The following SDK1 variants were observed in gnomAD, a reference collection of about 807,000 sequenced individuals.
The protein encoded by SDK1 is protein sidekick-1.
A neutral mutation model predicts 245.5 loss-of-function variants in SDK1; 157 were observed. That is an observed-to-expected ratio of 0.64 (90% CI 0.56 to 0.73). SDK1 has a LOEUF of 0.73. SDK1 is among the 30% of genes least tolerant of loss of function. The pLI is 0.00. For missense variants in SDK1, 3,583 were observed against 3,002.3 expected (o/e 1.19, Z -4.52); for synonymous variants, 1,647 against 1,278.5 (o/e 1.29, Z -6.15).
intron 1 of SDK1, among the ~76,000 whole-genome samples, chr7:3,411,200 G>A (rs1779189857): frequency 6.6e-6 from 1 of 152,154 alleles, no homozygotes. Context: ...GGGAAGATAA[G>A]AGGAAGAATC....
intron 23 of SDK1, among the ~76,000 whole-genome samples, chr7:4,112,770 T>TTC (rs1562827856): frequency 6.6e-6 from 1 of 151,800 alleles, no homozygotes; most frequent in African/African-American, 2.4e-5. Context: ...TTTTTTTTTT[T>TTC]CTGAGGCAGA....
chr7:3,607,860 T>G (rs545440745), intron 1 of SDK1, among the ~76,000 whole-genome samples: 10 of 152,346 alleles, frequency 6.6e-5, no homozygotes, highest in African/African-American at 2.2e-4. Flanking sequence ...TCTGCACACA[T>G]TGGGTAATTT....
intron 1 of SDK1, among the ~76,000 whole-genome samples, chr7:3,312,357 A>T (rs919016675): frequency 2.6e-5 from 4 of 152,324 alleles, no homozygotes; most frequent in South Asian, 2.1e-4. Context: ...GCCCAGCTAC[A>T]CAAGGAAATG....
At chr7:3,459,719 G>T (rs935713076) in intron 1 of SDK1, among the ~76,000 whole-genome samples, 1 of 152,176 alleles carries the variant, frequency 6.6e-6, no homozygotes, top group East Asian at 1.9e-4. Flanking sequence ...CCTCCTGGTC[G>T]ATCATGAATC....
At chr7:4,240,834 G>T (rs936005772) in intron 42 of SDK1, among the ~76,000 whole-genome samples, 1 of 152,128 alleles carries the variant, frequency 6.6e-6, no homozygotes, top group Non-Finnish European at 1.5e-5. Flanking sequence ...AGAGAAACCC[G>T]GGAAATACTG....
chr7:3,951,757 G>C lies in SDK1; in HGVS notation c.987G>C (p.Trp329Cys), dbSNP rs748524713. 6.2e-7 allele frequency: 1 copy of C among 1,613,728 alleles called. No homozygotes were observed. The highest frequency in any genetic ancestry group is 8.5e-7 in the Non-Finnish European group (1 of 1,180,024). Reference sequence around the variant, plus strand: ...CTGTGGAGGACCTGAGTGTGACCTGGAAGAGGAATGGAGTGAGAATCACCA... The same window carrying C: ...CTGTGGAGGACCTGAGTGTGACCTGCAAGAGGAATGGAGTGAGAATCACCA... ...ARPVEDLSVT[W>C]KRNGVRITSG... is the part of the protein sequence containing the mutation. Residue 329 changes from tryptophan to cysteine, a missense_variant, in exon 7 of 45, where the codon TGG (tryptophan) becomes TGC (cysteine). Coordinates refer to ENST00000404826, the MANE Select transcript of SDK1 (RefSeq NM_152744.4).
chr7:3,392,250 A>G (rs551739577), intron 1 of SDK1, among the ~76,000 whole-genome samples: 5 of 152,226 alleles, frequency 3.3e-5, no homozygotes, highest in African/African-American at 1.2e-4. Context: ...CTTGTGACCA[A>G]TGATTTCTTA....
chr7:3,654,064 G>A (rs1023382416), intron 4 of SDK1, among the ~76,000 whole-genome samples: 5 of 152,160 alleles, frequency 3.3e-5, no homozygotes, highest in African/African-American at 9.7e-5. Flanking sequence ...GGCAGTGCAC[G>A]TAGCTGTCTC....
chr7:3,677,131 C>G (rs1202110060), intron 4 of SDK1, among the ~76,000 whole-genome samples: 1 of 152,086 alleles, frequency 6.6e-6, no homozygotes, highest in Admixed American at 6.5e-5. Flanking sequence ...ACTTTTCTGG[C>G]CACCCTACTT....
intron 4 of SDK1, among the ~76,000 whole-genome samples, chr7:3,803,516 G>T (rs913074845): frequency 2.5e-4 from 38 of 151,274 alleles, no homozygotes; most frequent in African/African-American, 8.5e-4. Context: ...TCACCATGTG[G>T]ACCAGGCTGG....
chr7:3,857,032 G>A (rs189558277), intron 5 of SDK1, among the ~76,000 whole-genome samples: 12 of 152,094 alleles, frequency 7.9e-5, no homozygotes, highest in Admixed American at 5.2e-4. Flanking sequence ...TTGAATCCCC[G>A]AAAATGTAAG....
At position 3,571,706 on chromosome 7, in the gene SDK1, G is replaced by GC. The variant is rs546483680; in HGVS notation, c.299-47373dup. On this transcript the variant is annotated intron_variant, in intron 1 of 44. Coordinates refer to ENST00000404826, the MANE Select transcript of SDK1 (RefSeq NM_152744.4). The stretch of plus-strand genomic sequence containing the variant: ...ATCTAAAACCTTTTTGAAGTAATCT[G>GC]CTTTGAATCATGTGAGGAGCTCAAT... Among the ~76,000 whole-genome samples the GC allele has an allele frequency of 2.3e-3, 345 of 152,210 alleles. 3 individuals are homozygous for GC. The highest frequency in any genetic ancestry group is 8.1e-3 in the African/African-American group (335 of 41,546).
intron 5 of SDK1, among the ~76,000 whole-genome samples, chr7:3,834,513 C>T (rs988972082): frequency 1.2e-4 from 18 of 152,120 alleles, no homozygotes; most frequent in African/African-American, 4.3e-4. Context: ...TTTTCTTTCA[C>T]GTATGGAGGG....
intron 31 of SDK1, among the ~76,000 whole-genome samples, chr7:4,159,134 G>A (rs895973868): frequency 6.6e-6 from 1 of 152,218 alleles, no homozygotes; most frequent in Non-Finnish European, 1.5e-5. Flanking sequence ...CAGCTCCCAG[G>A]CTGGAAACCC....
chr7:3,791,277 G>A (rs1015609360), intron 4 of SDK1, among the ~76,000 whole-genome samples: 6 of 152,168 alleles, frequency 3.9e-5, no homozygotes, highest in African/African-American at 1.2e-4. Context: ...AATCCGCCTC[G>A]TGGAACTACA....
Position 3,950,921 on chromosome 7 carries a change from A to G in SDK1, c.848-2A>G. The G allele has an allele frequency of 6.2e-7, 1 of 1,610,422 alleles. No individual in the cohort carries two copies. Among genetic ancestry groups the G allele is most frequent in the Non-Finnish European group, 8.5e-7 (1 of 1,176,766 alleles). ...TGGACATTTCTCTTTTCTCTGCCAC[A>G]GGAGATGTTGGCACACCTGAAACCA... is the stretch of plus-strand genomic sequence containing the variant. On this transcript the variant is annotated splice_acceptor_variant, in intron 5 of 44. Coordinates refer to ENST00000404826, the MANE Select transcript of SDK1 (RefSeq NM_152744.4). LOFTEE classifies it high-confidence loss of function.
Position 4,175,832 on chromosome 7 carries a change from C to A in SDK1, c.4994C>A (p.Thr1665Lys). The A allele has an allele frequency of 6.2e-7, 1 of 1,612,974 alleles. No homozygotes were observed. Among genetic ancestry groups the A allele is most frequent in the Non-Finnish European group, 8.5e-7 (1 of 1,179,636 alleles). Residue 1665 changes from threonine to lysine, a missense_variant and splice_region_variant, in exon 34 of 45, where the codon ACA becomes AAA. Coordinates refer to ENST00000404826, the MANE Select transcript of SDK1 (RefSeq NM_152744.4). Reference protein sequence around the residue: ...SSSTSTMCELTHLKKYRRYEV... With the variant: ...SSSTSTMCELKHLKKYRRYEV... ...TCCACATCGACGATGTGTGAACTAA[C>A]ACGTAAGTGCGCTCTCAGCGGGAGG...
intron 2 of SDK1, among the ~76,000 whole-genome samples, chr7:3,630,884 A>G (rs1207496924): frequency 1.3e-5 from 2 of 152,110 alleles, no homozygotes; most frequent in African/African-American, 4.8e-5. Flanking sequence ...GACAAATTAC[A>G]TAACTAAAAT....
chr7:3,436,664 C>T (rs1045808860), intron 1 of SDK1, among the ~76,000 whole-genome samples: 3 of 151,998 alleles, frequency 2.0e-5, no homozygotes, highest in Admixed American at 6.6e-5. Flanking sequence ...ATATTTTTCT[C>T]TTATTTTTAT....
Sources: allele counts gnomAD v4.1 joint callset (sites outside exome capture counted in the v4.1 genomes callset), GRCh38; gene constraint gnomAD v4.1.1; transcripts MANE v1.5; gene names NCBI Gene and HGNC (gene_info 2026-07-23, HGNC 2026-07-21).